PCDHGA4: variants seen among roughly 807,000 people sequenced by gnomAD.
PCDHGA4 encodes the protein protocadherin gamma-A4.
In PCDHGA4, 38 loss-of-function variants were observed where a neutral mutation model predicts 54.6. That is an observed-to-expected ratio of 0.70 (90% confidence interval 0.54 to 0.91). The LOEUF (loss-of-function observed/expected upper bound fraction) is 0.91. Among genes scored for constraint, PCDHGA4 ranks in the 40% least tolerant of loss-of-function variants. PCDHGA4 has a pLI of 0.00. For missense variants in PCDHGA4, 1,298 were observed against 1,220.9 expected (o/e 1.06, Z -0.94); for synonymous variants, 511 against 512.9 (o/e 1.00, Z 0.05).
At chr5:141,360,012 C>T (rs1454398218) in intron 1 of PCDHGA4, 8 of 1,240,128 alleles carry the variant, frequency 6.5e-6, no homozygotes, top group Non-Finnish European at 8.6e-6. Flanking sequence ...ACCAACCACA[C>T]AGAGAAGGCC....
chr5:141,418,890 G>C (rs1449142412), intron 1 of PCDHGA4: 1 of 1,613,934 alleles, frequency 6.2e-7, no homozygotes, highest in South Asian at 1.1e-5. Context: ...AACGACAACA[G>C]CCCAGAAATA....
At chr5:141,358,973 T>A (rs1455401871) in intron 1 of PCDHGA4, among the ~76,000 whole-genome samples, 2 of 152,246 alleles carry the variant, frequency 1.3e-5, no homozygotes, top group African/African-American at 4.8e-5. Context: ...CTGTGAGAAT[T>A]CAAAATTCAT....
intron 1 of PCDHGA4, chr5:141,389,915 C>T (rs371220204): frequency 2.2e-5 from 36 of 1,613,944 alleles, no homozygotes; most frequent in Non-Finnish European, 4.2e-6. Context: ...CTGACCGCCC[C>T]GACCCCTCTG....
intron 1 of PCDHGA4, chr5:141,478,270 C>G (rs1347709530): frequency 5.6e-6 from 9 of 1,614,078 alleles, no homozygotes; most frequent in Non-Finnish European, 6.8e-6. Context: ...TCAAAGTTTA[C>G]AAGTGGAAGC....
chr5:141,476,317 G>C lies in PCDHGA4; in HGVS notation c.2515-18490G>C, dbSNP rs759809060. The C allele has an allele frequency of 1.2e-6, 2 of 1,614,052 alleles. No homozygotes were observed. The highest frequency in any genetic ancestry group is 2.7e-5 in the African/African-American group (2 of 74,922). ...GTAGCCTCTCAGCCCGCAGGTTCCGGGTGGTGTCTGGAGCTAGCCGAAGAT... is the reference window on the plus strand; with the variant it reads ...GTAGCCTCTCAGCCCGCAGGTTCCGCGTGGTGTCTGGAGCTAGCCGAAGAT... On this transcript the variant is annotated intron_variant, in intron 1 of 3. Coordinates refer to ENST00000571252, the MANE Select transcript of PCDHGA4 (RefSeq NM_018917.4). The surrounding 1 kb of genome is among the most constrained non-coding windows in gnomAD (Gnocchi z 7.6).
chr5:141,496,981 T>A (rs928774783), intron 2 of PCDHGA4, among the ~76,000 whole-genome samples: 1 of 150,304 alleles, frequency 6.7e-6, no homozygotes, highest in African/African-American at 2.5e-5. Context: ...AGGTCAGGGG[T>A]TTGAGACCAG....
chr5:141,369,695 A>C (rs1418423845), intron 1 of PCDHGA4, among the ~76,000 whole-genome samples: 3 of 152,228 alleles, frequency 2.0e-5, no homozygotes, highest in African/African-American at 4.8e-5. Flanking sequence ...ATAAAACTAA[A>C]AGCTATGACA....
chr5:141,415,648 A>G (rs1403877896), intron 1 of PCDHGA4: 1 of 1,598,772 alleles, frequency 6.3e-7, no homozygotes, highest in African/African-American at 1.4e-5. Flanking sequence ...TGTTAAAAAA[A>G]AAAAGATTGG....
In PCDHGA4 at chr5:141,355,285, G is replaced by A; in HGVS notation, c.178G>A (p.Glu60Lys). The A allele has an allele frequency of 2.5e-6, 4 of 1,613,814 alleles. No homozygotes were observed. The highest frequency in any genetic ancestry group is 3.4e-6 in the Non-Finnish European group (4 of 1,179,906). Residue 60 changes from glutamate (E) to lysine (K), a missense_variant, in exon 1 of 4, where the codon GAA (glutamate) becomes AAA (lysine). Transcript: ENST00000571252. ...LLGVLVEIRA[E>K]QILYSVFEEQ... is the part of the protein sequence containing the mutation. ...GGGGGTTCTGGTGGAAATCAGGGCC[G>A]AACAGATTCTCTACTCGGTGTTTGA...
chr5:141,381,555 T>C (rs992456160), intron 1 of PCDHGA4, among the ~76,000 whole-genome samples: 2 of 152,192 alleles, frequency 1.3e-5, no homozygotes, highest in African/African-American at 4.8e-5. Flanking sequence ...TTGAATTGAA[T>C]TGCATAATGA....
intron 1 of PCDHGA4, among the ~76,000 whole-genome samples, chr5:141,448,274 T>G (rs2098579713): frequency 6.6e-6 from 1 of 152,196 alleles, no homozygotes; most frequent in South Asian, 2.1e-4. Context: ...TATATACTGT[T>G]GTGCAACTTG....
chr5:141,511,049 G>A lies in PCDHGA4; in HGVS notation c.2765G>A (p.Arg922His), dbSNP rs61749029. 408 of 1,614,098 alleles carry A rather than the reference G, an allele frequency of 2.5e-4. No individual in the cohort carries two copies. Among genetic ancestry groups the A allele is most frequent in the South Asian group, 7.2e-4 (66 of 91,094 alleles). Residue 922 changes from arginine (R) to histidine (H), a missense_variant, in exon 4 of 4, where the codon CGC becomes CAC. Transcript: ENST00000571252. ...QFTLQHVPDY[R>H]QNVYIPGSNA... ...ACCCTGCAGCACGTGCCCGACTACC[G>A]CCAGAATGTCTACATCCCAGGCAGC...
chr5:141,414,311 ACT>A (rs1421551588), intron 1 of PCDHGA4: 5 of 1,613,710 alleles, frequency 3.1e-6, no homozygotes, highest in Non-Finnish European at 4.2e-6. Flanking sequence ...CATGATTTAG[ACT>A]CTGAGCAGAA....
chr5:141,508,241 T>G (rs1475142426), intron 3 of PCDHGA4: 2 of 152,286 alleles, frequency 1.3e-5, no homozygotes, highest in East Asian at 3.9e-4. Context: ...CTCCTAAGTC[T>G]GCCTCTCCTG....
chr5:141,459,843 T>C (rs1328781794), intron 1 of PCDHGA4, among the ~76,000 whole-genome samples: 1 of 152,228 alleles, frequency 6.6e-6, no homozygotes, highest in African/African-American at 2.4e-5. Context: ...TGTCTATTTG[T>C]ATATCTTCTT....
intron 1 of PCDHGA4, chr5:141,383,567 C>A (rs752569196): frequency 6.2e-7 from 1 of 1,613,214 alleles, no homozygotes; most frequent in Non-Finnish European, 8.5e-7. Context: ...CCGCCCCGAT[C>A]CAGCACCGCC....
chr5:141,465,030 C>T (rs922114985), intron 1 of PCDHGA4, among the ~76,000 whole-genome samples: 2 of 152,086 alleles, frequency 1.3e-5, no homozygotes, highest in Non-Finnish European at 1.5e-5. Context: ...CCATGAACCA[C>T]CACAAATGAC....
At chr5:141,452,065 T>A (rs185791618) in intron 1 of PCDHGA4, among the ~76,000 whole-genome samples, 1 of 152,332 alleles carries the variant, frequency 6.6e-6, no homozygotes, top group Non-Finnish European at 1.5e-5. Flanking sequence ...TTATTCTACT[T>A]TTATTAGTTG....
intron 1 of PCDHGA4, chr5:141,360,286 G>C (rs768676904): frequency 6.2e-7 from 1 of 1,613,932 alleles, no homozygotes; most frequent in Non-Finnish European, 8.5e-7. Flanking sequence ...AGGAAACCTC[G>C]CCAAGGATCT....
Sources: allele counts gnomAD v4.1 joint callset (sites outside exome capture counted in the v4.1 genomes callset), GRCh38; gene constraint gnomAD v4.1.1; non-coding constraint Gnocchi (gnomAD v3.1); transcripts MANE v1.5; gene names NCBI Gene and HGNC (gene_info 2026-07-23, HGNC 2026-07-21).